TRPM1: variants seen among roughly 807,000 people sequenced by gnomAD.
The protein encoded by TRPM1 is TRPM1-203 APA Isoform, Intron 10.
In TRPM1, 113 loss-of-function variants were observed where a neutral mutation model predicts 149.4. The observed-to-expected ratio is 0.76, with a 90% CI of 0.65 to 0.88. The LOEUF is 0.88. TRPM1 is among the 40% of genes least tolerant of loss of function. The pLI is 0.00. For missense variants in TRPM1, 1,976 were observed against 2,038.7 expected (o/e 0.97, Z 0.59); for synonymous variants, 741 against 759.5 (o/e 0.98, Z 0.40).
intron 1 of TRPM1, among the ~76,000 whole-genome samples, chr15:31,140,402 A>G (rs2036146715): frequency 6.6e-6 from 1 of 152,084 alleles, no homozygotes; most frequent in African/African-American, 2.4e-5. Context: ...AAATAATAGA[A>G]AAGAAAAGAA....
In TRPM1 at chr15:31,050,535, C is replaced by T; in HGVS notation, c.1311G>A (p.Lys437=). 6.2e-7 allele frequency: 1 copy of T among 1,614,114 alleles called. No individual in the cohort carries two copies. The highest frequency in any genetic ancestry group is 8.5e-7 in the Non-Finnish European group (1 of 1,180,026). The change falls in exon 12 of 28, where the codon AAG becomes AAA. Residue 437 remains lysine, a synonymous_variant. Coordinates refer to ENST00000256552, the MANE Select transcript of TRPM1 (RefSeq NM_001252024.2). ...TGGTGGCCATGGGTGGCTTCTTCTC[C>T]TTCTCCGTGGCTTTGCTGTCCGTCG... ...APPTDSKATE[K]EKKPPMATTK... is the part of the protein sequence containing the mutation.
chr15:31,113,599 C>T (rs1374285195), intron 1 of TRPM1, among the ~76,000 whole-genome samples: 4 of 152,092 alleles, frequency 2.6e-5, no homozygotes, highest in African/African-American at 7.3e-5. Flanking sequence ...AGGTTTGTTA[C>T]ACAAGTAAAC....
At chr15:31,079,514 G>A (rs1379763694) in intron 2 of TRPM1, among the ~76,000 whole-genome samples, 2 of 152,218 alleles carry the variant, frequency 1.3e-5, no homozygotes, top group Non-Finnish European at 1.5e-5. Flanking sequence ...CTCTGAGTGC[G>A]CAAGCAAAAG....
intron 1 of TRPM1, among the ~76,000 whole-genome samples, chr15:31,090,381 G>C (rs757350634): frequency 1.1e-3 from 175 of 152,252 alleles, no homozygotes; most frequent in Admixed American, 1.9e-3. Flanking sequence ...GCTCATGCCT[G>C]TACTCCTAGC....
rs147073624 is a variant in TRPM1, at chr15:31,047,102, G to C, written c.1764+9C>G. On this transcript the variant is annotated intron_variant, in intron 15 of 27. Transcript: ENST00000256552. ...AACCACAGAACACTACACAGGCACT[G>C]AGTTCTACCCTCTTTGGTCCAAACA... is the stretch of plus-strand genomic sequence containing the variant. 5,403 of 1,614,230 alleles carry C rather than the reference G, an allele frequency of 3.3e-3. 94 individuals are homozygous for C. In the Admixed American group the frequency reaches 0.049, roughly 15 times the overall value.
chr15:31,047,399 C>T (rs1186064345), intron 14 of TRPM1, 148 bp from the exon 15 acceptor site: 1 of 857,738 alleles, frequency 1.2e-6, no homozygotes, highest in East Asian at 2.6e-5. Context: ...AATATTCAGG[C>T]TGGGGAAAGC....
intron 1 of TRPM1, among the ~76,000 whole-genome samples, chr15:31,113,478 CA>C (rs1397595163): frequency 1.3e-5 from 2 of 151,342 alleles, no homozygotes; most frequent in African/African-American, 4.9e-5. Flanking sequence ...AAAAATGGGT[CA>C]AACAATATCT....
At chr15:31,113,421 C>T (rs528566564) in intron 1 of TRPM1, among the ~76,000 whole-genome samples, 39 of 118,350 alleles carry the variant, frequency 3.3e-4, no homozygotes, top group Non-Finnish European at 5.9e-4. Flanking sequence ...ATTCAATACC[C>T]AGCTCTGACA....
At chr15:31,047,350 G>C in intron 14 of TRPM1, 99 bp from the exon 15 acceptor site, 1 of 1,347,492 alleles carries the variant, frequency 7.4e-7, no homozygotes, top group Non-Finnish European at 1.1e-6. Context: ...GCCCCCACTT[G>C]GGAGTTCATG....
In TRPM1 at chr15:31,138,641, T is replaced by G. The variant is rs565796035; in HGVS notation, c.54+22265A>C. Among the ~76,000 whole-genome samples, 40 of 152,228 alleles carry G rather than the reference T, an allele frequency of 2.6e-4. 2 individuals are homozygous for G. In the South Asian group the frequency reaches 8.1e-3, roughly 31 times the overall value. ...GGGAGTCCGAGGCAGGAGGATCACT[T>G]GAGCCCAGAAGTTCAAGAGCAGCCT... On this transcript the variant is annotated intron_variant, in intron 1 of 26. Coordinates refer to the TRPM1 transcript ENST00000542188.
At chr15:31,114,790 T>G (rs1328925504) in intron 1 of TRPM1, among the ~76,000 whole-genome samples, 2 of 152,032 alleles carry the variant, frequency 1.3e-5, no homozygotes, top group African/African-American at 4.8e-5. Context: ...ACTAACAGAG[T>G]TAATTTGTAA....
intron 27 of TRPM1, among the ~76,000 whole-genome samples, chr15:31,017,008 T>C (rs1179527025): frequency 6.6e-6 from 1 of 151,724 alleles, no homozygotes; most frequent in African/African-American, 2.4e-5. Flanking sequence ...ACTTGTTTTT[T>C]AAATTAAGAA....
intron 1 of TRPM1, among the ~76,000 whole-genome samples, chr15:31,086,145 T>A (rs2034993933): frequency 1.3e-5 from 2 of 152,216 alleles, no homozygotes; most frequent in South Asian, 4.1e-4. Context: ...CTAAGGCATC[T>A]GCTGGACCTG....
chr15:31,145,516 T>C (rs184420074), intron 1 of TRPM1, among the ~76,000 whole-genome samples: 1 of 152,202 alleles, frequency 6.6e-6, no homozygotes, highest in Non-Finnish European at 1.5e-5. Context: ...GTCCACCTAG[T>C]GGGTAACTTC....
chr15:31,019,988 T>C (rs1035059246), intron 27 of TRPM1, among the ~76,000 whole-genome samples: 1 of 151,266 alleles, frequency 6.6e-6, no homozygotes, highest in African/African-American at 2.4e-5. Flanking sequence ...GTCTTTCTTC[T>C]GGCTTTTTCA....
At chr15:31,018,875 C>G (rs574414987) in intron 27 of TRPM1, among the ~76,000 whole-genome samples, 43 of 152,326 alleles carry the variant, frequency 2.8e-4, no homozygotes, top group Middle Eastern at 3.4e-3. Flanking sequence ...AAGCTGATCT[C>G]GAACTCCTGG....
chr15:31,101,829 T>C (rs2035523891), upstream of TRPM1: 6 of 602,818 alleles, frequency 1.0e-5, no homozygotes, highest in Non-Finnish European at 1.2e-5. Context: ...GATGGCCCCA[T>C]GACCTGACTC....
chr15:31,115,745 A>G (rs1162652903), intron 1 of TRPM1, among the ~76,000 whole-genome samples: 1 of 151,532 alleles, frequency 6.6e-6, no homozygotes, highest in East Asian at 2.0e-4. Flanking sequence ...TCTGCTTGCC[A>G]TCAAGGGAAA....
intron 2 of TRPM1, among the ~76,000 whole-genome samples, chr15:31,077,227 T>C (rs983605405): frequency 2.0e-5 from 3 of 152,230 alleles, no homozygotes; most frequent in Non-Finnish European, 4.4e-5. Flanking sequence ...CTGTTGAAGA[T>C]ATTTTTTGTG....
Sources: gnomAD v4.1 joint callset for allele counts (sites outside exome capture counted in the v4.1 genomes callset) on GRCh38, gnomAD v4.1.1 for gene constraint, MANE v1.5 for transcripts, NCBI Gene and HGNC (gene_info 2026-07-23, HGNC 2026-07-21) for gene names.